The following ZNF182 variants were observed in gnomAD, a reference collection of about 807,000 sequenced individuals.
The protein encoded by ZNF182 is zinc finger protein 182.
Under a neutral mutation model 28.1 loss-of-function variants are expected in ZNF182, and 10 were observed. That is an observed-to-expected ratio of 0.36 (90% CI 0.22 to 0.60). The LOEUF (loss-of-function observed/expected upper bound fraction) is 0.60. Ranked by LOEUF, ZNF182 falls within the 20% of genes least tolerant of loss-of-function variation. The pLI, the probability that ZNF182 is intolerant of heterozygous loss-of-function variation, is 0.75. For missense variants in ZNF182, 352 were observed against 453.2 expected (o/e 0.78, Z 2.03); for synonymous variants, 156 against 158.7 (o/e 0.98, Z 0.13).
intron 3 of ZNF182, among the ~76,000 whole-genome samples, chrX:47,985,241 C>T (rs2058919716): frequency 8.9e-6 from 1 of 112,244 alleles, no homozygotes; most frequent in Non-Finnish European, 1.9e-5. Flanking sequence ...TGTAATACCA[C>T]TTGGCAATAA....
chrX:48,002,449 C>T, intron 3 of ZNF182, 146 bp downstream of exon 3: 1 of 816,070 alleles, frequency 1.2e-6, no homozygotes, highest in Non-Finnish European at 1.8e-6. Flanking sequence ...CCTCTACATT[C>T]TAATTTGGCC....
In ZNF182 at chrX:47,992,333, A is replaced by T. The variant is rs1333921365; in HGVS notation, c.16-8922T>A. On this transcript the variant is annotated intron_variant, in intron 3 of 5. Coordinates refer to ENST00000376943, the MANE Select transcript of ZNF182 (RefSeq NM_001007088.2). The stretch of plus-strand genomic sequence containing the variant: ...CCTTTGACACAGTCTCCAGTCCTCC[A>T]TCTCCTCCCTGTTCCTAAATGTGGT... 2.7e-5 allele frequency among the ~76,000 whole-genome samples: 3 copies of T among 111,609 alleles called. No homozygotes were observed. The Admixed American group carries it at 2.9e-4, about 11-fold the overall frequency.
At chrX:48,002,716 A>T in intron 2 of ZNF182, 63 bp from the exon 3 acceptor site, 1 of 986,951 alleles carries the variant, frequency 1.0e-6, no homozygotes, top group Non-Finnish European at 1.4e-6. Flanking sequence ...AGTGCCCAGA[A>T]TTAGCTGCCT....
At chrX:47,980,450 A>C (rs2146459316) in intron 5 of ZNF182, among the ~76,000 whole-genome samples, 1 of 112,029 alleles carries the variant, frequency 8.9e-6, no homozygotes, top group African/African-American at 3.2e-5. Flanking sequence ...AAAGATTTTG[A>C]ATGTTCTCCC....
chrX:47,991,961 G>A (rs1171290629), intron 3 of ZNF182, among the ~76,000 whole-genome samples: 1 of 111,742 alleles, frequency 8.9e-6, no homozygotes, highest in Non-Finnish European at 1.9e-5. Context: ...AGCAGCCACC[G>A]GAAGTGCTTC....
At chrX:47,988,374 T>C in intron 3 of ZNF182, 1 of 305,181 alleles carries the variant, frequency 3.3e-6, no homozygotes. Flanking sequence ...GGTGCTTGGG[T>C]AATGGGGATG....
In ZNF182 at chrX:48,002,648, G is replaced by A; in HGVS notation, c.-39C>T. On this transcript the variant is annotated 5_prime_UTR_variant, in exon 3 of 6. Transcript: ENST00000376943. ...TGGGAAAAAGCAGAGATGTGTGACG[G>A]CCGAGCTGGAACAAGTGGAGAAGAG... 8.3e-7 allele frequency: 1 copy of A among 1,206,805 alleles called. No individual in the cohort carries two copies. Among genetic ancestry groups the A allele is most frequent in the African/African-American group, 1.7e-5 (1 of 57,732 alleles).
rs149324662 is a variant in ZNF182, at chrX:47,980,948, G to A, written c.232+2001C>T. On this transcript the variant is annotated intron_variant, in intron 5 of 5. Transcript: ENST00000376943. ...TCTTGATTCTCAATGGCACCAAAAT[G>A]ATTACCTCAATTCATTCAACTCGCT... Among the ~76,000 whole-genome samples, 784 of 111,701 alleles carry A rather than the reference G, an allele frequency of 7.0e-3. 18 individuals carry two copies. The highest frequency in any genetic ancestry group is 0.062 in the Admixed American group (648 of 10,450).
chrX:47,999,251 G>A (rs1176242057), intron 3 of ZNF182, among the ~76,000 whole-genome samples: 5 of 109,445 alleles, frequency 4.6e-5, no homozygotes, highest in African/African-American at 6.7e-5. Context: ...GTGGTGGCAG[G>A]TGCCTGTAAT....
chrX:47,976,209 A>G lies in ZNF182; in HGVS notation c.1821T>C (p.His607=), dbSNP rs1364593620. Residue 607 remains histidine, a synonymous_variant, in exon 6 of 6, where the codon CAT becomes CAC. Transcript: ENST00000376943. The stretch of plus-strand genomic sequence containing the variant: ...TTGACTTCCGAGTGTGGCCTCTTCC[A>G]TGGGCTTTCTTTCCTGCATGGGTTC... The part of the protein sequence containing the change: ...HQRTHAGKKA[H]GRGHTRKSKF... 1 of 1,172,597 alleles carries G rather than the reference A, an allele frequency of 8.5e-7. No homozygotes were observed. Among genetic ancestry groups the G allele is most frequent in the South Asian group, 2.0e-5 (1 of 49,409 alleles).
chrX:47,979,866 GGTGTGTGTGTGT>G (rs56350180), intron 5 of ZNF182, among the ~76,000 whole-genome samples: 2,809 of 89,732 alleles, frequency 0.031, 64 homozygotes, highest in African/African-American at 0.069. Flanking sequence ...GTGTGTGTGG[GGTGTGTGTGTGT>G]GTGTGTGTGT....
Position 47,982,353 on chromosome X carries a change from T to C in ZNF182, c.232+596A>G, listed in dbSNP as rs1043034982. On this transcript the variant is annotated intron_variant, in intron 5 of 5. Coordinates refer to ENST00000376943, the MANE Select transcript of ZNF182 (RefSeq NM_001007088.2). ...TGACTGCTAGGGAGTAGGGGCTTCT[T>C]TTCAGTGTGATGAACACGTTCTAGA... 4.5e-5 allele frequency among the ~76,000 whole-genome samples: 5 copies of C among 112,063 alleles called. No homozygotes were observed. The East Asian group carries it at 1.4e-3, about 31-fold the overall frequency.
intron 3 of ZNF182, among the ~76,000 whole-genome samples, chrX:47,988,317 A>C (rs1445444279): frequency 4.7e-5 from 5 of 106,057 alleles, no homozygotes; most frequent in Non-Finnish European, 5.9e-5. Context: ...AGACTGCCTC[A>C]AAAAAAAAAA....
At chrX:47,986,421 G>T (rs1556899815) in intron 3 of ZNF182, among the ~76,000 whole-genome samples, 2 of 112,225 alleles carry the variant, frequency 1.8e-5, no homozygotes. Flanking sequence ...GCACTTAAGT[G>T]TTGTTAACTT....
chrX:47,990,266 A>G (rs1171355982), intron 3 of ZNF182, among the ~76,000 whole-genome samples: 2 of 111,654 alleles, frequency 1.8e-5, no homozygotes, highest in African/African-American at 6.5e-5. Flanking sequence ...TGGTTACTCA[A>G]TAACGGGGTC....
Position 47,976,757 on chromosome X carries a change from T to A in ZNF182, c.1273A>T (p.Asn425Tyr), listed in dbSNP as rs2058885797. 1 of 1,209,537 alleles carries A rather than the reference T, an allele frequency of 8.3e-7. No homozygotes were observed. Among genetic ancestry groups the A allele is most frequent in the African/African-American group, 1.8e-5 (1 of 57,045 alleles). The change falls in exon 6 of 6, where the codon AAC (asparagine) becomes TAC (tyrosine). Residue 425 changes from asparagine to tyrosine, a missense_variant. Transcript: ENST00000376943. The stretch of plus-strand genomic sequence containing the variant: ...TGAGTTCTCTGATGTACACCAAGGT[T>A]TGACTTTTGCGTGAAGGTTTTTCCA... Reference protein sequence around the residue: ...VCGKTFTQKSNLGVHQRTHSG... With the variant: ...VCGKTFTQKSYLGVHQRTHSG...
intron 3 of ZNF182, among the ~76,000 whole-genome samples, chrX:47,984,632 G>A (rs1282389503): frequency 3.6e-5 from 4 of 111,554 alleles, no homozygotes; most frequent in Admixed American, 2.9e-4. Context: ...TTCGAAACTC[G>A]AAGATTGAAG....
Position 47,977,582 on chromosome X carries a change from C to G in ZNF182, c.448G>C (p.Asp150His). Reference protein sequence around the residue: ...KHESFGNNMVDNLDLFSRSSA... With the variant: ...KHESFGNNMVHNLDLFSRSSA... ...CTTCTACTAAATAAGTCTAAATTAT[C>G]TACCATATTATTTCCAAATGATTCG... is the stretch of plus-strand genomic sequence containing the variant. The change falls in exon 6 of 6, where the codon GAT becomes CAT. Residue 150 changes from aspartate to histidine, a missense_variant. Coordinates refer to ENST00000376943, the MANE Select transcript of ZNF182 (RefSeq NM_001007088.2). The G allele has an allele frequency of 2.5e-6, 3 of 1,206,459 alleles. No individual in the cohort carries two copies. The highest frequency in any genetic ancestry group is 3.4e-6 in the Non-Finnish European group (3 of 892,878).
intron 3 of ZNF182, among the ~76,000 whole-genome samples, chrX:47,990,227 G>C (rs1220992193): frequency 9.0e-6 from 1 of 110,998 alleles, no homozygotes; most frequent in Admixed American, 9.6e-5. Context: ...AATAATATGG[G>C]CAAGAGCCTT....
Sources: allele counts gnomAD v4.1 joint callset (sites outside exome capture counted in the v4.1 genomes callset), GRCh38; gene constraint gnomAD v4.1.1; transcripts MANE v1.5; gene names NCBI Gene and HGNC (gene_info 2026-07-23, HGNC 2026-07-21).